Variants in BRCC3 observed in about 807,000 individuals in gnomAD.
The protein encoded by BRCC3 is lys-63-specific deubiquitinase BRCC36.
A neutral mutation model predicts 28.0 loss-of-function variants in BRCC3; 15 were observed. That is an observed-to-expected ratio of 0.54 (90% CI 0.36 to 0.82). BRCC3 has a LOEUF of 0.82. BRCC3 is among the 40% of genes least tolerant of loss of function. The pLI is 0.01. For missense variants in BRCC3, 109 were observed against 225.9 expected, an observed-to-expected ratio of 0.48 and a Z score of 3.32; for synonymous variants, 66 against 80.3, an observed-to-expected ratio of 0.82 and a Z score of 0.95.
chrX:155,116,520 C>T (rs1425260801), intron 8 of BRCC3, among the ~76,000 whole-genome samples, 191 bp from the exon 9 acceptor site: 1 of 111,805 alleles, frequency 8.9e-6, no homozygotes, highest in East Asian at 2.8e-4. Flanking sequence ...TGGTGAGAGA[C>T]AGCAATTTCA....
rs1557299418 is a variant in BRCC3, at chrX:155,121,459, G to A, written c.*255G>A. On this transcript the variant is annotated 3_prime_UTR_variant, in exon 11 of 11. Transcript: ENST00000330045. ...GAAAAAGTGAAAAAGCAATTCAATG[G>A]AGGAAGAATAGCCTTTCTGACAAAT... 1.8e-5 allele frequency: 2 copies of A among 112,095 alleles called. No homozygotes were observed. The highest frequency in any genetic ancestry group is 3.7e-4 in the South Asian group (1 of 2,731). 9.2% of individuals were successfully genotyped at this position (112,095 alleles called of 1,213,427 possible).
chrX:155,087,835 G>C (rs1456725036), intron 5 of BRCC3, among the ~76,000 whole-genome samples: 2 of 112,067 alleles, frequency 1.8e-5, no homozygotes, highest in Non-Finnish European at 3.8e-5. Flanking sequence ...TGGGTAACAT[G>C]ATGGGCACAG....
chrX:155,079,427 G>C (rs1279803549), intron 5 of BRCC3, among the ~76,000 whole-genome samples: 1 of 111,444 alleles, frequency 9.0e-6, no homozygotes, highest in Non-Finnish European at 1.9e-5. Context: ...TGAGTTGATA[G>C]CAAGTTATAT....
intron 1 of BRCC3, among the ~76,000 whole-genome samples, chrX:155,072,023 C>T (rs1056178789): frequency 1.8e-5 from 2 of 111,942 alleles, no homozygotes; most frequent in Non-Finnish European, 3.8e-5. Context: ...CAGTTAGAGC[C>T]CCTTGCCTCG....
At chrX:155,085,542 A>T (rs2074117291) in intron 5 of BRCC3, among the ~76,000 whole-genome samples, 1 of 112,368 alleles carries the variant, frequency 8.9e-6, no homozygotes, top group Non-Finnish European at 1.9e-5. Flanking sequence ...ACTGACCAAA[A>T]GAGCATCTCT....
chrX:155,116,710 G>A lies in BRCC3; in HGVS notation c.681-1G>A. 1 of 1,172,185 alleles carries A rather than the reference G, an allele frequency of 8.5e-7. No homozygotes were observed. The highest frequency in any genetic ancestry group is 1.2e-6 in the Non-Finnish European group (1 of 869,147). ...CTAACCTAAACTATTTTATTCTTTAGCCTTACACATCTGGACTCAGTAACC... is the reference window on the plus strand; with the variant it reads ...CTAACCTAAACTATTTTATTCTTTAACCTTACACATCTGGACTCAGTAACC... On this transcript the variant is annotated splice_acceptor_variant, in intron 8 of 10. Coordinates refer to ENST00000330045, the MANE Select transcript of BRCC3 (RefSeq NM_001018055.3). LOFTEE classifies it high-confidence loss of function.
At chrX:155,076,139 G>A (rs782613865) in intron 3 of BRCC3, among the ~76,000 whole-genome samples, 75 of 112,058 alleles carry the variant, frequency 6.7e-4, no homozygotes, top group African/African-American at 2.0e-3. Flanking sequence ...GGCCGGGTGC[G>A]GTGGGTTATG....
intron 7 of BRCC3, among the ~76,000 whole-genome samples, chrX:155,110,572 T>C (rs2074314832): frequency 9.0e-6 from 1 of 110,573 alleles, no homozygotes; most frequent in Non-Finnish European, 1.9e-5. Flanking sequence ...TCTCTGTTTT[T>C]ACCTTGATCA....
intron 5 of BRCC3, among the ~76,000 whole-genome samples, chrX:155,087,486 C>T (rs2074140635): frequency 8.9e-6 from 1 of 111,919 alleles, no homozygotes; most frequent in Non-Finnish European, 1.9e-5. Flanking sequence ...TGTCAGACGG[C>T]AACTTAGATC....
At chrX:155,109,556 T>C (rs782080540) in intron 7 of BRCC3, among the ~76,000 whole-genome samples, 37 of 112,313 alleles carry the variant, frequency 3.3e-4, no homozygotes, top group Non-Finnish European at 6.0e-4. Flanking sequence ...TATCTTTTCA[T>C]AATTTTCCAG....
intron 10 of BRCC3, among the ~76,000 whole-genome samples, chrX:155,120,629 G>C (rs1022787740): frequency 1.8e-5 from 2 of 110,799 alleles, no homozygotes; most frequent in African/African-American, 6.6e-5. Flanking sequence ...TCACTGAGAG[G>C]GCAGTGTCTT....
At chrX:155,097,307 G>A (rs191715183) in intron 7 of BRCC3, among the ~76,000 whole-genome samples, 39 of 111,732 alleles carry the variant, frequency 3.5e-4, no homozygotes, top group Admixed American at 1.2e-3. Context: ...GCTCAATAGC[G>A]AAAAACCCAA....
intron 5 of BRCC3, among the ~76,000 whole-genome samples, chrX:155,080,836 A>G (rs1357052116): frequency 2.7e-5 from 3 of 112,336 alleles, no homozygotes; most frequent in African/African-American, 9.7e-5. Context: ...AATCATGTAT[A>G]CAACACCTTG....
chrX:155,092,248 T>A (rs1391651849), intron 7 of BRCC3, among the ~76,000 whole-genome samples: 2 of 112,179 alleles, frequency 1.8e-5, no homozygotes, highest in African/African-American at 6.5e-5. Context: ...TATGTTACTA[T>A]TTTTTGTTCT....
chrX:155,105,457 TG>T (rs1271254736), intron 7 of BRCC3, among the ~76,000 whole-genome samples: 1 of 111,682 alleles, frequency 9.0e-6, no homozygotes, highest in Non-Finnish European at 1.9e-5. Context: ...CCCTCCAGCC[TG>T]GGCGACAGAG....
rs782272284 is a variant in BRCC3, at chrX:155,078,611, C to CA, written c.316-4dup. On this transcript the variant is annotated splice_polypyrimidine_tract_variant and splice_region_variant and intron_variant, in intron 4 of 10. Transcript: ENST00000330045. ...CACATTTTTAAAGTACCTTGACAGA[C>CA]ACACAGGTTGGCTGAACTGACAGGC... is the stretch of plus-strand genomic sequence containing the variant. 14 of 1,186,388 alleles carry CA rather than the reference C, an allele frequency of 1.2e-5. No homozygotes were observed. The African/African-American group carries it at 2.5e-4, about 21-fold the overall frequency.
intron 5 of BRCC3, among the ~76,000 whole-genome samples, chrX:155,080,282 C>T (rs1327365604): frequency 9.0e-6 from 1 of 111,188 alleles, no homozygotes; most frequent in East Asian, 2.8e-4. Flanking sequence ...AAGAAATTCC[C>T]TACGAATTTA....
chrX:155,105,293 C>G (rs1019546694), intron 7 of BRCC3, among the ~76,000 whole-genome samples: 4 of 110,798 alleles, frequency 3.6e-5, no homozygotes, highest in East Asian at 2.8e-4. Context: ...GAACAGCCTG[C>G]CCAACATGGT....
At chrX:155,120,583 A>G (rs1463726732) in intron 10 of BRCC3, among the ~76,000 whole-genome samples, 2 of 111,641 alleles carry the variant, frequency 1.8e-5, no homozygotes, top group Non-Finnish European at 3.8e-5. Context: ...TAATAAATCT[A>G]GTGTGAGTGG....
Sources: allele counts gnomAD v4.1 joint callset (sites outside exome capture counted in the v4.1 genomes callset), GRCh38; gene constraint gnomAD v4.1.1; transcripts MANE v1.5; gene names NCBI Gene and HGNC (gene_info 2026-07-23, HGNC 2026-07-21).